Variants in NCR1 observed in about 807,000 individuals in gnomAD.
NCR1 encodes natural cytotoxicity triggering receptor 1.
In NCR1, 30 loss-of-function variants were observed where a neutral mutation model predicts 32.5. The ratio of observed to expected loss-of-function variants is 0.92; its 90% CI spans 0.69 to 1.25. The LOEUF (loss-of-function observed/expected upper bound fraction) is 1.25. NCR1 is among the 50% of genes most tolerant of loss of function. The pLI is 0.00. For missense variants in NCR1, 369 were observed against 380.7 expected (o/e 0.97, Z 0.26); for synonymous variants, 169 against 143.4 (o/e 1.18, Z -1.28).
At chr19:54,917,801 G>A (rs1369635911), downstream of NCR1, among the ~76,000 whole-genome samples, 1 of 152,170 alleles carries the variant, frequency 6.6e-6, no homozygotes, top group Non-Finnish European at 1.5e-5. Flanking sequence ...GGCAGCCCCA[G>A]ATGGCAGCAG....
chr19:54,933,710 C>G, the NCR1 span: 1 of 1,614,216 alleles, frequency 6.2e-7, no homozygotes. Flanking sequence ...GTCCTTGCAA[C>G]TGGCTTCTGT....
At chr19:54,919,412 CT>C (rs1349300372), downstream of NCR1, among the ~76,000 whole-genome samples, 1 of 152,192 alleles carries the variant, frequency 6.6e-6, no homozygotes, top group Non-Finnish European at 1.5e-5. Context: ...ACAGGGGGCC[CT>C]TCCCTGCCTG....
chr19:54,900,649 G>A, the NCR1 span, among the ~76,000 whole-genome samples: 10 of 152,022 alleles, frequency 6.6e-5, no homozygotes, highest in African/African-American at 2.2e-4. Context: ...CCAAAGTGCT[G>A]GGATTACAGG....
chr19:54,934,981 G>C, the NCR1 span, among the ~76,000 whole-genome samples: 2 of 152,122 alleles, frequency 1.3e-5, no homozygotes, highest in African/African-American at 4.8e-5. This position sits in a 1 kb window ranked among gnomAD's most constrained non-coding sequence, Gnocchi z 6.7. Context: ...ACAGGTGTGA[G>C]CCACCGCGCC....
At chr19:54,937,281 T>C in the NCR1 span, among the ~76,000 whole-genome samples, 1 of 151,078 alleles carries the variant, frequency 6.6e-6, no homozygotes, top group African/African-American at 2.4e-5. Context: ...CTAGGCTTAA[T>C]ACTTGGGTGA....
intron 3 of NCR1, among the ~76,000 whole-genome samples, chr19:54,908,251 T>G (rs1488641648): frequency 6.6e-6 from 1 of 151,616 alleles, no homozygotes; most frequent in Non-Finnish European, 1.5e-5. Context: ...CCGCCCTTAA[T>G]CCATTTAACC....
chr19:54,908,869 T>A (rs1281605627), intron 3 of NCR1, among the ~76,000 whole-genome samples: 2 of 151,446 alleles, frequency 1.3e-5, no homozygotes, highest in Non-Finnish European at 2.9e-5. Flanking sequence ...ACCCAGGAGG[T>A]CGAGGCTTCA....
the NCR1 span, among the ~76,000 whole-genome samples, chr19:54,900,370 G>C: frequency 6.6e-6 from 1 of 152,142 alleles, no homozygotes; most frequent in Non-Finnish European, 1.5e-5. Context: ...TTGTTCTCTG[G>C]CGGGCAGGAG....
the NCR1 span, among the ~76,000 whole-genome samples, chr19:54,921,200 T>C: frequency 6.6e-6 from 1 of 152,184 alleles, no homozygotes; most frequent in Non-Finnish European, 1.5e-5. Context: ...GACTCAGCCC[T>C]ACCTCTCATC....
the NCR1 span, chr19:54,927,645 CAA>C: frequency 6.2e-7 from 1 of 1,614,090 alleles, no homozygotes; most frequent in Non-Finnish European, 8.5e-7. Flanking sequence ...CTTAGAACCC[CAA>C]AGAGCTTAAT....
intron 5 of NCR1, among the ~76,000 whole-genome samples, 155 bp downstream of exon 5, chr19:54,910,220 G>C (rs2067899348): frequency 6.6e-6 from 1 of 151,658 alleles, no homozygotes; most frequent in African/African-American, 2.4e-5. Flanking sequence ...TGCATCATTT[G>C]AGGTCAGGAG....
upstream of NCR1, chr19:54,906,089 T>C: frequency 6.8e-7 from 1 of 1,472,980 alleles, no homozygotes; most frequent in Non-Finnish European, 9.5e-7. Flanking sequence ...GCTCTGGTGA[T>C]GGGCGCTGGT....
Position 54,906,825 on chromosome 19 carries a change from T to C in NCR1, c.355+18T>C. 1.2e-6 allele frequency: 2 copies of C among 1,612,324 alleles called. No individual in the cohort carries two copies. Among genetic ancestry groups the C allele is most frequent in the Non-Finnish European group, 1.7e-6 (2 of 1,178,886 alleles). ...GGTAACAGGTAACTGTCCGGTTCTC[T>C]AACTGGAGAGTGATCTCAGTCTGCA... On this transcript the variant is annotated intron_variant, in intron 3 of 6. Transcript: ENST00000291890.
At chr19:54,907,103 G>A (rs1319321883) in intron 3 of NCR1, among the ~76,000 whole-genome samples, 1 of 151,840 alleles carries the variant, frequency 6.6e-6, no homozygotes, top group Non-Finnish European at 1.5e-5. Context: ...TGTGGGCCAG[G>A]CGCAGTGGCT....
At chr19:54,928,156 G>T in the NCR1 span, among the ~76,000 whole-genome samples, 1 of 152,114 alleles carries the variant, frequency 6.6e-6, no homozygotes, top group Non-Finnish European at 1.5e-5. Flanking sequence ...GGAGGCGGAG[G>T]TTACAGTGAG....
chr19:54,936,869 C>T, the NCR1 span, among the ~76,000 whole-genome samples: 633 of 148,616 alleles, frequency 4.3e-3, 2 homozygotes, highest in South Asian at 7.6e-3. Context: ...GAGCCGAGAC[C>T]GCACCACTGC....
chr19:54,910,852 A>C (rs980678454), intron 5 of NCR1, among the ~76,000 whole-genome samples: 10 of 152,340 alleles, frequency 6.6e-5, no homozygotes, highest in African/African-American at 2.4e-4. Context: ...GAAAGAAGGC[A>C]TCTGAGCAAA....
At chr19:54,908,653 CT>C (rs34151807) in intron 3 of NCR1, among the ~76,000 whole-genome samples, 48 of 135,056 alleles carry the variant, frequency 3.6e-4, no homozygotes, top group Middle Eastern at 4.1e-3. Flanking sequence ...CTGGCCGGGG[CT>C]TTTTTTTTTT....
the NCR1 span, among the ~76,000 whole-genome samples, chr19:54,899,059 G>A: frequency 1.1e-4 from 17 of 152,204 alleles, no homozygotes; most frequent in South Asian, 1.0e-3. Flanking sequence ...CGGGACAGGC[G>A]GGAGGGAAAG....
Sources: gnomAD v4.1 joint callset for allele counts (sites outside exome capture counted in the v4.1 genomes callset) on GRCh38, gnomAD v4.1.1 for gene constraint, Gnocchi (gnomAD v3.1) non-coding constraint, MANE v1.5 for transcripts, NCBI Gene and HGNC (gene_info 2026-07-23, HGNC 2026-07-21) for gene names.